B3GALT1: variants seen among roughly 807,000 people sequenced by gnomAD.
The protein encoded by B3GALT1 is beta-1,3-galactosyltransferase 1, also known as UDP-Gal:betaGlcNAc beta 1,3-galactosyltransferase, polypeptide 1.
Under a neutral mutation model 23.2 loss-of-function variants are expected in B3GALT1, and 10 were observed. The observed-to-expected ratio is 0.43, with a 90% CI of 0.27 to 0.73. B3GALT1 has a LOEUF of 0.73. Ranked by LOEUF, B3GALT1 falls within the 30% of genes least tolerant of loss-of-function variation. The probability of loss-of-function intolerance (pLI) is 0.21; values close to 1 mark genes in which losing one functional copy is unlikely to be tolerated. For synonymous variants in B3GALT1, 156 were observed against 141.5 expected (o/e 1.10, Z -0.73); for missense variants, 299 against 405.4 (o/e 0.74, Z 2.25).
chr2:167,367,362 G>A (rs1005988466), intron 1 of B3GALT1, among the ~76,000 whole-genome samples: 1 of 152,310 alleles, frequency 6.6e-6, no homozygotes, highest in Non-Finnish European at 1.5e-5. Flanking sequence ...CAGTGAGGAT[G>A]TGATGGACTA....
At chr2:167,729,968 T>C (rs548858135) in intron 3 of B3GALT1, among the ~76,000 whole-genome samples, 1 of 152,214 alleles carries the variant, frequency 6.6e-6, no homozygotes, top group African/African-American at 2.4e-5. Context: ...TGTGAGTTTG[T>C]GTGTGTAGTA....
intron 1 of B3GALT1, among the ~76,000 whole-genome samples, chr2:167,351,258 G>A (rs577093525): frequency 1.6e-3 from 227 of 141,246 alleles, no homozygotes; most frequent in Non-Finnish European, 2.5e-3. Flanking sequence ...AATAGAGTGA[G>A]ACTCCGTCTC....
At chr2:167,775,028 A>G (rs891506451) in intron 3 of B3GALT1, among the ~76,000 whole-genome samples, 2 of 152,334 alleles carry the variant, frequency 1.3e-5, no homozygotes, top group Non-Finnish European at 2.9e-5. Context: ...TTGTAGCAGT[A>G]CATTTAACCC....
At chr2:167,832,856 C>T (rs1439418418) in intron 4 of B3GALT1, among the ~76,000 whole-genome samples, 1 of 152,204 alleles carries the variant, frequency 6.6e-6, no homozygotes, top group African/African-American at 2.4e-5. Context: ...AGTAAAAATG[C>T]AGCCCAAAGC....
intron 2 of B3GALT1, among the ~76,000 whole-genome samples, chr2:167,521,294 T>C (rs1040843206): frequency 6.6e-6 from 1 of 152,160 alleles, no homozygotes; most frequent in Non-Finnish European, 1.5e-5. Flanking sequence ...TTATAACAAG[T>C]GAGTGAAAGT....
intron 3 of B3GALT1, among the ~76,000 whole-genome samples, chr2:167,695,873 A>G (rs1265996451): frequency 3.3e-5 from 5 of 152,064 alleles, no homozygotes; most frequent in African/African-American, 1.2e-4. Flanking sequence ...CGTTGCTCCC[A>G]CCGTCATGTC....
chr2:167,818,632 G>A (rs374996008), intron 3 of B3GALT1, among the ~76,000 whole-genome samples, 40 bp from the exon 4 acceptor site: 11 of 151,852 alleles, frequency 7.2e-5, no homozygotes, highest in African/African-American at 1.5e-4. Context: ...ATTCATTTCC[G>A]TTATTTCTAA....
At chr2:167,478,773 G>A (rs899812356) in intron 1 of B3GALT1, among the ~76,000 whole-genome samples, 4 of 151,318 alleles carry the variant, frequency 2.6e-5, no homozygotes, top group East Asian at 1.9e-4. Flanking sequence ...GTGTCCAAGT[G>A]TTCTAATTTG....
intron 2 of B3GALT1, among the ~76,000 whole-genome samples, chr2:167,554,745 A>G (rs1402458011): frequency 6.6e-6 from 1 of 152,208 alleles, no homozygotes; most frequent in Non-Finnish European, 1.5e-5. Flanking sequence ...AGCCTATCCA[A>G]AATTTAAGAC....
At chr2:167,853,688 C>G (rs1451896449) in intron 4 of B3GALT1, among the ~76,000 whole-genome samples, 1 of 152,060 alleles carries the variant, frequency 6.6e-6, no homozygotes, top group Admixed American at 6.6e-5. Context: ...CAGCATGTCT[C>G]CAGACTCACC....
At chr2:167,609,089 T>G (rs1002566548) in intron 2 of B3GALT1, among the ~76,000 whole-genome samples, 4 of 152,172 alleles carry the variant, frequency 2.6e-5, no homozygotes, top group Non-Finnish European at 4.4e-5. Flanking sequence ...ACCCATGACT[T>G]ACTTATATTT....
intron 1 of B3GALT1, among the ~76,000 whole-genome samples, chr2:167,388,868 T>G (rs776706246): frequency 7.2e-5 from 11 of 152,140 alleles, no homozygotes; most frequent in Non-Finnish European, 1.3e-4. Flanking sequence ...AGAAAAGCCA[T>G]CTCTACAATA....
intron 3 of B3GALT1, among the ~76,000 whole-genome samples, chr2:167,664,491 C>A (rs1686135214): frequency 1.3e-5 from 2 of 152,148 alleles, no homozygotes; most frequent in African/African-American, 4.8e-5. Flanking sequence ...TTTTCCAATT[C>A]TGTGAAGAAA....
chr2:167,610,639 G>GGT (rs1558923708), intron 2 of B3GALT1, among the ~76,000 whole-genome samples: 1 of 151,876 alleles, frequency 6.6e-6, no homozygotes, highest in Non-Finnish European at 1.5e-5. Context: ...AACCACACCT[G>GGT]GTAGTGGTAG....
At chr2:167,844,846 G>A (rs1025764511) in intron 4 of B3GALT1, among the ~76,000 whole-genome samples, 50 of 152,286 alleles carry the variant, frequency 3.3e-4, no homozygotes, top group South Asian at 4.1e-4. Flanking sequence ...GGTAGCCTGG[G>A]GCAGGTTTTC....
chr2:167,450,144 G>A lies in B3GALT1; in HGVS notation c.-510-40033G>A, dbSNP rs76263553. ...GGAGAATTCCTTCTTTCTATTTTGT[G>A]GAATAGTGTCAATAGGATTGGTACC... On this transcript the variant is annotated intron_variant, in intron 1 of 4. Transcript: ENST00000392690. Among the ~76,000 whole-genome samples the A allele has an allele frequency of 7.4e-4, 113 of 152,146 alleles. 1 individual carries two copies. In the East Asian group the frequency reaches 0.018, roughly 24 times the overall value.
intron 4 of B3GALT1, among the ~76,000 whole-genome samples, chr2:167,821,063 A>T (rs2105365387): frequency 6.6e-6 from 1 of 152,300 alleles, no homozygotes. Flanking sequence ...CCTTCCCAAG[A>T]GCTAAGAGCC....
chr2:167,665,021 G>C (rs1225827024), intron 3 of B3GALT1, among the ~76,000 whole-genome samples: 1 of 151,722 alleles, frequency 6.6e-6, no homozygotes, highest in Non-Finnish European at 1.5e-5. Flanking sequence ...TTGTGAGAGA[G>C]GGCATCCCTG....
chr2:167,785,851 G>A (rs1391291570), intron 3 of B3GALT1, among the ~76,000 whole-genome samples: 1 of 152,198 alleles, frequency 6.6e-6, no homozygotes, highest in African/African-American at 2.4e-5. Context: ...AGTCCTATGA[G>A]AGAAGTGAAG....
Sources: allele counts gnomAD v4.1 joint callset (sites outside exome capture counted in the v4.1 genomes callset), GRCh38; gene constraint gnomAD v4.1.1; transcripts MANE v1.5; gene names NCBI Gene and HGNC (gene_info 2026-07-23, HGNC 2026-07-21).